CPVL: variants seen among roughly 807,000 people sequenced by gnomAD.
The protein encoded by CPVL is carboxypeptidase vitellogenic like.
Under a neutral mutation model 63.7 loss-of-function variants are expected in CPVL, and 51 were observed. That is an observed-to-expected ratio of 0.80 (90% confidence interval 0.64 to 1.01). The LOEUF is 1.01. CPVL is among the 50% of genes least tolerant of loss of function. CPVL has a pLI of 0.00. For missense variants in CPVL, 530 were observed against 573.1 expected, an observed-to-expected ratio of 0.92 and a Z score of 0.77; for synonymous variants, 195 against 206.0, an observed-to-expected ratio of 0.95 and a Z score of 0.46.
At chr7:29,176,003 G>A (rs915596649) in intron 5 of CPVL, among the ~76,000 whole-genome samples, 17 of 152,166 alleles carry the variant, frequency 1.1e-4, no homozygotes, top group African/African-American at 4.1e-4. Flanking sequence ...TGACTAACAC[G>A]GTGAAACCCC....
At chr7:29,037,140 T>A (rs1788607061) in intron 11 of CPVL, among the ~76,000 whole-genome samples, 1 of 152,208 alleles carries the variant, frequency 6.6e-6, no homozygotes, top group Non-Finnish European at 1.5e-5. Context: ...TTTATAGTTA[T>A]GTGCATAAAC....
chr7:29,049,566 C>G (rs181054312), intron 11 of CPVL, among the ~76,000 whole-genome samples: 2 of 152,056 alleles, frequency 1.3e-5, no homozygotes, highest in African/African-American at 4.8e-5. Context: ...GATAGATTTA[C>G]ACAGAATTCT....
chr7:29,066,385 C>A (rs1444168266), intron 9 of CPVL, among the ~76,000 whole-genome samples: 1 of 152,106 alleles, frequency 6.6e-6, no homozygotes, highest in Non-Finnish European at 1.5e-5. Flanking sequence ...TAAATTATAT[C>A]ATATGGTAGA....
At chr7:29,147,033 C>T, upstream of CPVL, 2 of 1,539,838 alleles carry the variant, frequency 1.3e-6, no homozygotes, top group Admixed American at 2.0e-5. Flanking sequence ...TCAGAGCCAC[C>T]TGATGTGTTC....
At chr7:29,068,868 T>C (rs1783415569) in intron 9 of CPVL, among the ~76,000 whole-genome samples, 1 of 151,420 alleles carries the variant, frequency 6.6e-6, no homozygotes. Flanking sequence ...CTAACTTTTT[T>C]GTATTTTTAG....
chr7:29,057,771 C>T (rs933491251), intron 11 of CPVL, among the ~76,000 whole-genome samples: 12 of 152,212 alleles, frequency 7.9e-5, no homozygotes, highest in Non-Finnish European at 1.6e-4. Flanking sequence ...ATCTTTGCTA[C>T]ATTGTATAAC....
intron 11 of CPVL, among the ~76,000 whole-genome samples, chr7:29,050,588 T>A (rs766009908): frequency 9.2e-5 from 14 of 151,760 alleles, no homozygotes; most frequent in African/African-American, 3.1e-4. Context: ...AAATCATAAA[T>A]ACAAATAAAC....
chr7:29,168,985 T>C, intron 5 of CPVL, among the ~76,000 whole-genome samples: 1 of 152,198 alleles, frequency 6.6e-6, no homozygotes, highest in African/African-American at 2.4e-5. Flanking sequence ...TTCTATTTGA[T>C]GAAAATGGAA....
At chr7:29,047,427 GA>G (rs1160303418) in intron 11 of CPVL, among the ~76,000 whole-genome samples, 1 of 152,076 alleles carries the variant, frequency 6.6e-6, no homozygotes, top group Non-Finnish European at 1.5e-5. Flanking sequence ...TGAACAAATA[GA>G]AAAAAGAAAT....
chr7:29,121,204 A>G, intron 1 of CPVL, 133 bp from the exon 2 acceptor site: 1 of 745,610 alleles, frequency 1.3e-6, no homozygotes. Context: ...GACCTTGGAT[A>G]GCACCATAAA....
intron 5 of CPVL, among the ~76,000 whole-genome samples, chr7:29,093,800 G>C (rs1383608303): frequency 1.3e-5 from 2 of 152,206 alleles, no homozygotes; most frequent in African/African-American, 2.4e-5. Context: ...AAAATGGAAG[G>C]CTGACAAAAC....
chr7:29,158,497 A>C (rs6462129), intron 5 of CPVL, among the ~76,000 whole-genome samples: 9,839 of 151,988 alleles, frequency 0.065, 1,042 homozygotes, highest in African/African-American at 0.22. Context: ...AGAATGGCTC[A>C]CTTTATTTTA....
chr7:29,157,165 A>C (rs1480391407), intron 5 of CPVL, among the ~76,000 whole-genome samples: 2 of 152,084 alleles, frequency 1.3e-5, no homozygotes, highest in Non-Finnish European at 2.9e-5. Context: ...CTTTTCTCCC[A>C]CTTAACATCC....
chr7:29,135,932 T>TTTTG (rs1254353461), intron 1 of CPVL, among the ~76,000 whole-genome samples: 1 of 152,184 alleles, frequency 6.6e-6, no homozygotes, highest in Non-Finnish European at 1.5e-5. Context: ...AGCCAGTTTT[T>TTTTG]TTTGTTTGTT....
At chr7:29,101,385 G>A (rs567619695) in intron 3 of CPVL, among the ~76,000 whole-genome samples, 1 of 152,268 alleles carries the variant, frequency 6.6e-6, no homozygotes, top group Admixed American at 6.5e-5. Flanking sequence ...TGGATCACGA[G>A]GTCAGGAGAT....
intron 5 of CPVL, among the ~76,000 whole-genome samples, chr7:29,158,544 T>G (rs1227143819): frequency 6.6e-6 from 1 of 151,948 alleles, no homozygotes; most frequent in Non-Finnish European, 1.5e-5. Context: ...ATATTGATAC[T>G]TAAGTTTACC....
chr7:28,999,568 C>T (rs759994984), intron 12 of CPVL, among the ~76,000 whole-genome samples: 1 of 152,194 alleles, frequency 6.6e-6, no homozygotes, highest in South Asian at 2.1e-4. Flanking sequence ...TATTTACTCA[C>T]GCACATGCGC....
intron 1 of CPVL, among the ~76,000 whole-genome samples, chr7:29,138,121 G>A (rs1199522157): frequency 6.6e-6 from 1 of 152,180 alleles, no homozygotes; most frequent in African/African-American, 2.4e-5. Flanking sequence ...TAATAATAGC[G>A]TGGAGAGGGC....
At chr7:29,120,443 AAC>A (rs977010564) in intron 2 of CPVL, among the ~76,000 whole-genome samples, 13 of 151,362 alleles carry the variant, frequency 8.6e-5, no homozygotes, top group Admixed American at 2.0e-4. Context: ...CAAACAAACA[AAC>A]AAAATATATA....
Sources: allele counts gnomAD v4.1 joint callset (sites outside exome capture counted in the v4.1 genomes callset), GRCh38; gene constraint gnomAD v4.1.1; transcripts MANE v1.5; gene names NCBI Gene and HGNC (gene_info 2026-07-23, HGNC 2026-07-21).